The following DOCK1 variants were observed in gnomAD, a reference collection of about 807,000 sequenced individuals.
DOCK1 encodes the protein dedicator of cytokinesis 1.
A neutral mutation model predicts 262.7 loss-of-function variants in DOCK1; 138 were observed. The observed-to-expected ratio is 0.53, with a 90% CI of 0.46 to 0.61. The LOEUF (loss-of-function observed/expected upper bound fraction) is 0.61. Ranked by LOEUF, DOCK1 falls within the 20% of genes least tolerant of loss-of-function variation. DOCK1 has a pLI of 0.00. For missense variants in DOCK1, 1,908 were observed against 2,370.7 expected (o/e 0.80, Z 4.05); for synonymous variants, 866 against 867.4 (o/e 1.00, Z 0.03).
At chr10:127,450,037 TAAAC>T (rs1446078341) in intron 51 of DOCK1, among the ~76,000 whole-genome samples, 2 of 152,236 alleles carry the variant, frequency 1.3e-5, no homozygotes, top group Admixed American at 6.5e-5. Flanking sequence ...CTTTCACATG[TAAAC>T]AAACAGTTTC....
chr10:127,053,429 C>A (rs2044890218), intron 22 of DOCK1, among the ~76,000 whole-genome samples: 1 of 152,196 alleles, frequency 6.6e-6, no homozygotes, highest in Non-Finnish European at 1.5e-5. Flanking sequence ...ATTTCCTCCT[C>A]CTCTTTTCCT....
chr10:127,065,841 C>G (rs145027641), intron 23 of DOCK1, among the ~76,000 whole-genome samples: 2,555 of 131,730 alleles, frequency 0.019, 89 homozygotes, highest in African/African-American at 0.064. Flanking sequence ...GCAACAAGAG[C>G]AAAACTCCAT....
chr10:127,254,259 C>G (rs2059757220), intron 28 of DOCK1, among the ~76,000 whole-genome samples: 1 of 152,138 alleles, frequency 6.6e-6, no homozygotes, highest in Non-Finnish European at 1.5e-5. Context: ...CTTTTCATAG[C>G]ATTGCTTTTC....
At chr10:127,397,003 G>A (rs1352462662) in intron 38 of DOCK1, among the ~76,000 whole-genome samples, 7 of 133,862 alleles carry the variant, frequency 5.2e-5, no homozygotes, top group African/African-American at 2.1e-4. Context: ...CACGGGCAGC[G>A]ACTCCTATGT....
intron 29 of DOCK1, among the ~76,000 whole-genome samples, chr10:127,313,776 T>G (rs2062154672): frequency 6.6e-6 from 1 of 152,150 alleles, no homozygotes; most frequent in Non-Finnish European, 1.5e-5. Flanking sequence ...TGGTTCCTGT[T>G]AGACAGGTTC....
rs191808228 is a variant in DOCK1, at chr10:127,325,137, A to G, written c.3045-13869A>G. 6.1e-3 allele frequency among the ~76,000 whole-genome samples: 928 copies of G among 151,918 alleles called. 11 individuals are homozygous for G. The highest frequency in any genetic ancestry group is 7.9e-3 in the Non-Finnish European group (539 of 68,028). The stretch of plus-strand genomic sequence containing the variant: ...CTTAATCATTACACTCATTAAGAAA[A>G]CACGAAGCTCACAACAGAAAATAAT... On this transcript the variant is annotated intron_variant, in intron 29 of 51. Transcript: ENST00000623213.
intron 16 of DOCK1, among the ~76,000 whole-genome samples, chr10:127,028,358 G>A (rs1198600382): frequency 2.6e-5 from 4 of 152,138 alleles, no homozygotes; most frequent in Non-Finnish European, 5.9e-5. Flanking sequence ...GCAGATGTTG[G>A]CCATCGTTCA....
intron 19 of DOCK1, among the ~76,000 whole-genome samples, chr10:127,041,408 C>G (rs1472100332): frequency 1.3e-5 from 2 of 152,156 alleles, no homozygotes; most frequent in African/African-American, 4.8e-5. Context: ...TGCTTTTATG[C>G]CTTTTTATGG....
At chr10:127,295,238 C>T (rs1479705590) in intron 29 of DOCK1, among the ~76,000 whole-genome samples, 1 of 152,146 alleles carries the variant, frequency 6.6e-6, no homozygotes, top group East Asian at 1.9e-4. Flanking sequence ...GAAACTTTTA[C>T]TCCTGGCAGA....
intron 27 of DOCK1, among the ~76,000 whole-genome samples, chr10:127,237,188 G>A (rs189346443): frequency 2.0e-3 from 308 of 151,994 alleles, no homozygotes; most frequent in Non-Finnish European, 3.1e-3. Context: ...GGGAAACCCT[G>A]TCTCTACTAA....
intron 5 of DOCK1, among the ~76,000 whole-genome samples, chr10:126,989,574 G>T (rs911401029): frequency 6.6e-6 from 1 of 152,058 alleles, no homozygotes; most frequent in Non-Finnish European, 1.5e-5. Context: ...CAATCCTCCC[G>T]CCTCTGCTTC....
At chr10:126,929,192 T>C (rs2033997406) in intron 1 of DOCK1, among the ~76,000 whole-genome samples, 1 of 152,192 alleles carries the variant, frequency 6.6e-6, no homozygotes, top group African/African-American at 2.4e-5. Context: ...GGTTAAGAGA[T>C]GGTTTGCAGT....
chr10:126,914,682 T>C (rs1027232451), intron 1 of DOCK1, among the ~76,000 whole-genome samples: 2 of 152,234 alleles, frequency 1.3e-5, no homozygotes, highest in African/African-American at 4.8e-5. Context: ...TTTAACTTAA[T>C]TGGTTACACT....
intron 23 of DOCK1, among the ~76,000 whole-genome samples, chr10:127,091,927 CG>C (rs996157307): frequency 6.6e-6 from 1 of 151,936 alleles, no homozygotes; most frequent in African/African-American, 2.4e-5. Context: ...AAGTTGGTAC[CG>C]GGGAACCTGA....
intron 27 of DOCK1, among the ~76,000 whole-genome samples, chr10:127,203,212 C>T (rs773115699): frequency 7.2e-5 from 11 of 152,208 alleles, no homozygotes. Flanking sequence ...CCACTTCACA[C>T]CCTTCTGGTG....
chr10:127,145,439 G>A (rs551092565), intron 27 of DOCK1, among the ~76,000 whole-genome samples: 2 of 152,300 alleles, frequency 1.3e-5, no homozygotes, highest in East Asian at 3.9e-4. Context: ...GCAGAACACT[G>A]CTGTTCCTGA....
At chr10:127,016,748 C>CACAT (rs2041929971) in intron 12 of DOCK1, among the ~76,000 whole-genome samples, 1 of 126,672 alleles carries the variant, frequency 7.9e-6, no homozygotes, top group Non-Finnish European at 1.7e-5. Context: ...CACACACACA[C>CACAT]TAACACAGAT....
rs530180561 is a variant in DOCK1 at position 127,341,653 on chromosome 10, G to A, written c.3124-1993G>A. Among the ~76,000 whole-genome samples the A allele has an allele frequency of 8.5e-5, 13 of 152,252 alleles. 1 individual carries two copies. The South Asian group carries it at 2.7e-3, about 32-fold the overall frequency. On this transcript the variant is annotated intron_variant, in intron 30 of 51. Transcript: ENST00000623213. ...CGTGTGTTTTAGTTGTGGCTGCTCT[G>A]GTGGGGGAGCCTGTTTCTCAACATG...
intron 27 of DOCK1, among the ~76,000 whole-genome samples, chr10:127,240,277 T>TG (rs1371027628): frequency 6.6e-6 from 1 of 150,974 alleles, no homozygotes; most frequent in African/African-American, 2.4e-5. Context: ...TTGGCTTTTT[T>TG]TTTTTTTAAC....
Sources: allele counts gnomAD v4.1 joint callset (sites outside exome capture counted in the v4.1 genomes callset), GRCh38; gene constraint gnomAD v4.1.1; transcripts MANE v1.5; gene names NCBI Gene and HGNC (gene_info 2026-07-23, HGNC 2026-07-21).